Variants in AAGAB observed in about 807,000 individuals in gnomAD.
The protein encoded by AAGAB is alpha and gamma adaptin binding protein, also known as alpha- and gamma-adaptin-binding protein p34.
AAGAB carries 38 observed loss-of-function variants against 44.1 expected under a neutral mutation model. That is an observed-to-expected ratio of 0.86 (90% CI 0.67 to 1.13). AAGAB has a LOEUF of 1.13. Among genes scored for constraint, AAGAB ranks in the 50% most tolerant of loss-of-function variants. AAGAB has a pLI of 0.00. For missense variants in AAGAB, 450 were observed against 373.8 expected, an observed-to-expected ratio of 1.20 and a Z score of -1.68; for synonymous variants, 131 against 131.8, an observed-to-expected ratio of 0.99 and a Z score of 0.04.
chr15:67,207,688 G>A (rs948375388), intron 7 of AAGAB, among the ~76,000 whole-genome samples: 3 of 151,910 alleles, frequency 2.0e-5, no homozygotes, highest in Non-Finnish European at 4.4e-5. Flanking sequence ...TCCAATTACT[G>A]TTTTCTAAAG....
chr15:67,221,731 T>C (rs542491838), intron 5 of AAGAB, among the ~76,000 whole-genome samples: 9 of 152,222 alleles, frequency 5.9e-5, no homozygotes, highest in Non-Finnish European at 1.3e-4. Context: ...AAATCATTCC[T>C]AAAATCTCTG....
At chr15:67,204,640 A>C (rs1963645975) in intron 7 of AAGAB, among the ~76,000 whole-genome samples, 1 of 152,234 alleles carries the variant, frequency 6.6e-6, no homozygotes, top group Non-Finnish European at 1.5e-5. Context: ...TATGAAAAAA[A>C]AACCTGTATC....
At chr15:67,247,749 T>C (rs4776908) in intron 1 of AAGAB, among the ~76,000 whole-genome samples, 32,934 of 152,228 alleles carry the variant, frequency 0.22, 4,232 homozygotes, top group East Asian at 0.48. Context: ...AAACAAACTG[T>C]ATACCAATAG....
At chr15:67,242,018 C>T (rs1567030515) in intron 1 of AAGAB, among the ~76,000 whole-genome samples, 1 of 152,092 alleles carries the variant, frequency 6.6e-6, no homozygotes, top group Non-Finnish European at 1.5e-5. Flanking sequence ...CTGACGTCAG[C>T]TGAAAGGAAA....
intron 5 of AAGAB, among the ~76,000 whole-genome samples, chr15:67,222,207 GATT>G (rs1231426170): frequency 6.9e-6 from 1 of 144,300 alleles, no homozygotes; most frequent in Non-Finnish European, 1.5e-5. Context: ...AAGCAGAACT[GATT>G]ACTACATGCA....
intron 6 of AAGAB, 62 bp downstream of exon 6, chr15:67,209,400 T>C: frequency 7.6e-7 from 1 of 1,307,986 alleles, no homozygotes; most frequent in Non-Finnish European, 1.1e-6. Flanking sequence ...TGTGTCAAGA[T>C]TCATAATGAC....
chr15:67,201,267 A>C lies in AAGAB; in HGVS notation c.*1554T>G, dbSNP rs1206651201. 1 of 150,636 alleles carries C rather than the reference A, an allele frequency of 6.6e-6. No individual in the cohort carries two copies. Among genetic ancestry groups the C allele is most frequent in the African/African-American group, 2.4e-5 (1 of 40,972 alleles). 9.3% of individuals were successfully genotyped at this position (150,636 alleles called of 1,614,324 possible). A position where few individuals can be genotyped will look rare whatever the true frequency, so the allele number is the denominator to read the frequency against. ...TGGGCTGGTGGTGAACCACAGACTC[A>C]AAGTCTTTCAGAACAGTAAAAGAAA... On this transcript the variant is annotated 3_prime_UTR_variant, in exon 10 of 10. Coordinates refer to ENST00000261880, the MANE Select transcript of AAGAB (RefSeq NM_024666.5).
chr15:67,207,982 G>A (rs370321688), intron 7 of AAGAB, among the ~76,000 whole-genome samples: 1 of 152,136 alleles, frequency 6.6e-6, no homozygotes, highest in Non-Finnish European at 1.5e-5. Flanking sequence ...AGATAAAGTA[G>A]GAATATCAGT....
intron 5 of AAGAB, among the ~76,000 whole-genome samples, chr15:67,212,093 G>A (rs1185458016): frequency 6.6e-6 from 1 of 152,094 alleles, no homozygotes. Flanking sequence ...GTGTTAGCCA[G>A]GATGGTCTCG....
chr15:67,236,444 C>A lies in AAGAB; in HGVS notation c.325G>T (p.Val109Leu), dbSNP rs1243015099. Residue 109 changes from valine (V) to leucine (L), a missense_variant, in exon 3 of 10, where the codon GTG becomes TTG. Val to Leu is a conservative substitution (Grantham distance 32). Coordinates refer to ENST00000261880, the MANE Select transcript of AAGAB (RefSeq NM_024666.5). ...ACTCTATCGCAGACCAAGATCATCA[C>A]CTCAGGTAACCATGCTTTTGCCAGT... Reference protein sequence around the residue: ...LPLAKAWLPEVMILVCDRVSE... With the variant: ...LPLAKAWLPELMILVCDRVSE... 6 of 1,614,048 alleles carry A rather than the reference C, an allele frequency of 3.7e-6. No homozygotes were observed. The highest frequency in any genetic ancestry group is 1.7e-6 in the Non-Finnish European group (2 of 1,180,010).
chr15:67,216,576 T>C (rs1302603149), intron 5 of AAGAB, among the ~76,000 whole-genome samples: 2 of 149,014 alleles, frequency 1.3e-5, no homozygotes, highest in East Asian at 4.0e-4. Context: ...AAATTCTTAA[T>C]AAACTGAACT....
chr15:67,236,270 G>A, intron 3 of AAGAB, 138 bp downstream of exon 3: 1 of 972,148 alleles, frequency 1.0e-6, no homozygotes, highest in South Asian at 1.7e-5. Flanking sequence ...AGATTCCAAA[G>A]AAAAATAGCT....
Position 67,211,568 on chromosome 15 carries a change from C to T in AAGAB, c.536-2024G>A, listed in dbSNP as rs570716351. Among the ~76,000 whole-genome samples the T allele has an allele frequency of 5.9e-5, 9 of 152,292 alleles. No individual in the cohort carries two copies. The East Asian group carries it at 1.3e-3, about 23-fold the overall frequency. ...TATGTAGTTATGTAATACTCAGACA[C>T]GGATTTTACCTGTCATTAAGATACA... On this transcript the variant is annotated intron_variant, in intron 5 of 9. Coordinates refer to ENST00000261880, the MANE Select transcript of AAGAB (RefSeq NM_024666.5).
At chr15:67,254,885 C>G (rs762775024), upstream of AAGAB, 4 of 1,613,394 alleles carry the variant, frequency 2.5e-6, no homozygotes, top group South Asian at 4.4e-5. Context: ...GTAGCCGTTC[C>G]CTGACCTAGC....
intron 6 of AAGAB, 88 bp downstream of exon 6, chr15:67,209,374 G>A (rs778154330): frequency 1.8e-6 from 2 of 1,138,344 alleles, no homozygotes; most frequent in Non-Finnish European, 2.6e-6. Flanking sequence ...TAAATGGAAA[G>A]GAAAACAATG....
At chr15:67,226,589 A>G (rs1220880843) in intron 5 of AAGAB, 1 of 152,230 alleles carries the variant, frequency 6.6e-6, no homozygotes, top group African/African-American at 2.4e-5. Flanking sequence ...TACATGTTTT[A>G]CAAATATTTT....
intron 7 of AAGAB, among the ~76,000 whole-genome samples, chr15:67,204,707 A>G (rs1373638820): frequency 6.6e-6 from 1 of 152,180 alleles, no homozygotes; most frequent in Non-Finnish European, 1.5e-5. Context: ...ATTTAAATTC[A>G]TATTTTCTTA....
At chr15:67,250,944 G>A (rs376201738) in intron 1 of AAGAB, among the ~76,000 whole-genome samples, 6 of 152,128 alleles carry the variant, frequency 3.9e-5, no homozygotes, top group Non-Finnish European at 8.8e-5. Flanking sequence ...GGAGAATGGC[G>A]CGAGCCCAGG....
At chr15:67,232,119 T>G (rs1035695352) in intron 4 of AAGAB, among the ~76,000 whole-genome samples, 1 of 151,836 alleles carries the variant, frequency 6.6e-6, no homozygotes, top group South Asian at 2.1e-4. Context: ...CCAGGCGTGG[T>G]GGCGCATGCA....
Sources: allele counts gnomAD v4.1 joint callset (sites outside exome capture counted in the v4.1 genomes callset), GRCh38; gene constraint gnomAD v4.1.1; transcripts MANE v1.5; gene names NCBI Gene and HGNC (gene_info 2026-07-23, HGNC 2026-07-21).